PCDHA3: variants seen among roughly 807,000 people sequenced by gnomAD.
PCDHA3 encodes protocadherin alpha 3.
Under a neutral mutation model 62.2 loss-of-function variants are expected in PCDHA3, and 41 were observed. The observed-to-expected ratio is 0.66, with a 90% CI of 0.51 to 0.86. The LOEUF is 0.86. PCDHA3 is among the 40% of genes least tolerant of loss of function. The pLI, the probability that PCDHA3 is intolerant of heterozygous loss-of-function variation, is 0.00. For synonymous variants in PCDHA3, 640 were observed against 555.4 expected (o/e 1.15, Z -2.14); for missense variants, 1,304 against 1,241.2 (o/e 1.05, Z -0.76).
In PCDHA3 at chr5:140,803,386, G is replaced by A; in HGVS notation, c.2189G>A (p.Gly730Asp). 1 of 1,614,232 alleles carries A rather than the reference G, an allele frequency of 6.2e-7. No homozygotes were observed. Among genetic ancestry groups the A allele is most frequent in the Non-Finnish European group, 8.5e-7 (1 of 1,180,046 alleles). The change falls in exon 1 of 4, where the codon GGC (glycine) becomes GAC (aspartate). Residue 730 changes from glycine to aspartate, a missense_variant. By Grantham distance (94) the Gly-to-Asp change is moderately conservative (BLOSUM62 -1). Transcript: ENST00000522353. ...CGGTGCTCCGCGCCGCCAACCGAAG[G>A]CGACTGTGGGCCGGGCAAGCCCACG... is the stretch of plus-strand genomic sequence containing the variant. ...ALRCSAPPTEGDCGPGKPTLV... is the reference protein window; with the variant it reads ...ALRCSAPPTEDDCGPGKPTLV...
chr5:140,860,136 T>C (rs2150487566), intron 1 of PCDHA3: 1 of 150,532 alleles, frequency 6.6e-6, no homozygotes, highest in East Asian at 2.0e-4. Context: ...TGTGTGTGTA[T>C]ATATATGTAT....
chr5:140,926,928 G>T, intron 1 of PCDHA3: 1 of 1,574,878 alleles, frequency 6.3e-7, no homozygotes, highest in Non-Finnish European at 8.6e-7. Flanking sequence ...TATGTTTGTG[G>T]GTTTCCTGCG....
intron 1 of PCDHA3, among the ~76,000 whole-genome samples, chr5:140,937,847 A>G (rs2091797551): frequency 6.8e-6 from 1 of 148,000 alleles, no homozygotes; most frequent in Non-Finnish European, 1.5e-5. Flanking sequence ...GGAAGGCGGA[A>G]CTTGGAGTGA....
intron 1 of PCDHA3, among the ~76,000 whole-genome samples, chr5:140,827,126 A>G (rs1769190900): frequency 6.6e-6 from 1 of 152,226 alleles, no homozygotes; most frequent in Admixed American, 6.5e-5. Flanking sequence ...TGACAATTAG[A>G]AACATAGAAA....
intron 1 of PCDHA3, chr5:140,853,448 G>C: frequency 1.0e-6 from 1 of 980,734 alleles, no homozygotes; most frequent in Non-Finnish European, 1.2e-6. Context: ...TTGCCTAATA[G>C]GTCTCCTTAT....
At chr5:140,839,133 T>C (rs1776048029) in intron 1 of PCDHA3, among the ~76,000 whole-genome samples, 1 of 149,316 alleles carries the variant, frequency 6.7e-6, no homozygotes, top group Non-Finnish European at 1.5e-5. Context: ...GTCATTCACA[T>C]AAGCAGACCA....
chr5:140,863,224 G>A, intron 1 of PCDHA3: 2 of 1,143,744 alleles, frequency 1.7e-6, no homozygotes, highest in Non-Finnish European at 2.5e-6. Context: ...AGCGAGGAAG[G>A]TCCCATCGCG....
At chr5:140,809,872 A>AT (rs1435895332) in intron 1 of PCDHA3, 4 of 262,694 alleles carry the variant, frequency 1.5e-5, no homozygotes, top group Middle Eastern at 1.2e-3. Context: ...TTTTACTATT[A>AT]TTTAACCTAT....
chr5:140,919,357 G>C (rs1158844072), intron 1 of PCDHA3, among the ~76,000 whole-genome samples: 3 of 152,148 alleles, frequency 2.0e-5, no homozygotes, highest in Non-Finnish European at 4.4e-5. Flanking sequence ...GAATCTAAAA[G>C]TGTCTCCTGC....
At position 140,870,592 on chromosome 5, in the gene PCDHA3, C is replaced by T. The variant is rs202164332; in HGVS notation, c.2394+67001C>T. The T allele has an allele frequency of 8.8e-4, 1,421 of 1,613,554 alleles. 8 individuals carry two copies. The African/African-American group carries it at 0.017, about 19-fold the overall frequency. On this transcript the variant is annotated intron_variant, in intron 1 of 3. Coordinates refer to ENST00000522353, the MANE Select transcript of PCDHA3 (RefSeq NM_018906.3). ...GGTGTCCTACTCGCTGGTGGAGCGGCGGTTGGGCGACCGCGCGCTGTCGAG... is the reference window on the plus strand; with the variant it reads ...GGTGTCCTACTCGCTGGTGGAGCGGTGGTTGGGCGACCGCGCGCTGTCGAG...
At chr5:140,968,810 G>C in intron 1 of PCDHA3, 1 of 1,614,186 alleles carries the variant, frequency 6.2e-7, no homozygotes, top group Non-Finnish European at 8.5e-7. Flanking sequence ...AGCTGTGGTG[G>C]ATAGGGTTTC....
chr5:140,817,869 A>G (rs1392490266), intron 1 of PCDHA3, among the ~76,000 whole-genome samples: 4 of 152,170 alleles, frequency 2.6e-5, no homozygotes, highest in African/African-American at 9.7e-5. Context: ...TTGGGTATTG[A>G]ATGAAAGTTA....
At chr5:140,803,768 C>A in intron 1 of PCDHA3, 177 bp downstream of exon 1, 1 of 1,075,560 alleles carries the variant, frequency 9.3e-7, no homozygotes, top group Non-Finnish European at 1.3e-6. Context: ...ATTTTTGAAC[C>A]AAATCAGCAG....
chr5:140,812,504 C>T (rs2126639507), intron 1 of PCDHA3: 5 of 152,056 alleles, frequency 3.3e-5, no homozygotes, highest in Admixed American at 2.0e-4. Context: ...GTATTTCCTC[C>T]CTTTGCTTTG....
intron 1 of PCDHA3, among the ~76,000 whole-genome samples, chr5:140,913,152 T>G (rs2076232515): frequency 6.6e-6 from 1 of 152,178 alleles, no homozygotes; most frequent in Admixed American, 6.5e-5. Context: ...ATAGTTTGAG[T>G]AGGATTGGTA....
intron 1 of PCDHA3, chr5:140,875,666 G>A (rs781866030): frequency 1.2e-6 from 2 of 1,613,786 alleles, no homozygotes; most frequent in East Asian, 4.5e-5. Flanking sequence ...CGCCTGTTCC[G>A]GGTGGCGTCC....
intron 1 of PCDHA3, among the ~76,000 whole-genome samples, chr5:140,934,320 T>C (rs910163789): frequency 6.6e-6 from 1 of 152,154 alleles, no homozygotes; most frequent in Non-Finnish European, 1.5e-5. Flanking sequence ...AAATGTCCAA[T>C]CATGAATGTA....
Position 140,801,456 on chromosome 5 carries a change from A to C in PCDHA3, c.259A>C (p.Asn87His). The C allele has an allele frequency of 6.2e-7, 1 of 1,613,978 alleles. No homozygotes were observed. The highest frequency in any genetic ancestry group is 8.5e-7 in the Non-Finnish European group (1 of 1,180,046). ...TCTGCAGAATGGCATTTTGTTTGTGAATTCTCGGATAGACCGCGAGGAACT... is the reference window on the plus strand; with the variant it reads ...TCTGCAGAATGGCATTTTGTTTGTGCATTCTCGGATAGACCGCGAGGAACT... The part of the protein sequence containing the change: ...VNLQNGILFV[N>H]SRIDREELCG... The change falls in exon 1 of 4, where the codon AAT (asparagine) becomes CAT (histidine). Residue 87 changes from asparagine (N) to histidine (H), a missense_variant. Coordinates refer to ENST00000522353, the MANE Select transcript of PCDHA3 (RefSeq NM_018906.3).
At position 140,803,078 on chromosome 5, in the gene PCDHA3, C is replaced by G. The variant is rs781941927; in HGVS notation, c.1881C>G (p.Tyr627Ter). ...GARIPFRVGL[Y>*]TGEISTTRAL... ...GCATCCCGTTTCGCGTGGGGCTGTA[C>G]ACGGGAGAGATCAGCACGACCCGTG... The change falls in exon 1 of 4, where the codon TAC (tyrosine) becomes TAG (stop). Residue 627 changes from tyrosine to a stop codon, truncating the protein, a stop_gained. Transcript: ENST00000522353. LOFTEE classifies it high-confidence loss of function. The G allele has an allele frequency of 3.1e-6, 5 of 1,613,930 alleles. No homozygotes were observed. In the Admixed American group the frequency reaches 8.3e-5, roughly 27 times the overall value.
Sources: allele counts gnomAD v4.1 joint callset (sites outside exome capture counted in the v4.1 genomes callset), GRCh38; gene constraint gnomAD v4.1.1; transcripts MANE v1.5; gene names NCBI Gene and HGNC (gene_info 2026-07-23, HGNC 2026-07-21).